ATF6: variants seen among roughly 807,000 people sequenced by gnomAD.
The protein encoded by ATF6 is cyclic AMP-dependent transcription factor ATF-6 alpha.
Under a neutral mutation model 83.6 loss-of-function variants are expected in ATF6, and 53 were observed. That is an observed-to-expected ratio of 0.63 (90% CI 0.51 to 0.80). ATF6 has a LOEUF of 0.80. Among genes scored for constraint, ATF6 ranks in the 30% least tolerant of loss-of-function variants. The pLI, the probability that ATF6 is intolerant of heterozygous loss-of-function variation, is 0.00. For missense variants in ATF6, 744 were observed against 797.9 expected, an observed-to-expected ratio of 0.93 and a Z score of 0.81; for synonymous variants, 288 against 285.8, an observed-to-expected ratio of 1.01 and a Z score of -0.08.
intron 2 of ATF6, among the ~76,000 whole-genome samples, chr1:161,779,840 C>T (rs897250217): frequency 3.3e-5 from 5 of 151,924 alleles, no homozygotes; most frequent in East Asian, 1.9e-4. Flanking sequence ...CAGGTTCAAG[C>T]GATTCTCATG....
chr1:161,885,362 C>T (rs1442068151), intron 14 of ATF6, among the ~76,000 whole-genome samples: 2 of 152,186 alleles, frequency 1.3e-5, no homozygotes, highest in East Asian at 1.9e-4. Context: ...TGTAGTACTG[C>T]GTAACTACTG....
In ATF6 at chr1:161,867,564, T is replaced by C. The variant is rs1380194994; in HGVS notation, c.1719+4252T>C. The stretch of plus-strand genomic sequence containing the variant: ...TCCACTAATATATAAGGAAAGAATT[T>C]CTTCCTGGGGCAGTTTTTCATTAAA... On this transcript the variant is annotated intron_variant, in intron 14 of 15. Transcript: ENST00000367942. Among the ~76,000 whole-genome samples the C allele has an allele frequency of 3.9e-5, 6 of 152,314 alleles. No homozygotes were observed. In the East Asian group the frequency reaches 9.6e-4, roughly 24 times the overall value.
Position 161,766,382 on chromosome 1 carries a change from G to T in ATF6, c.22G>T (p.Ala8Ser), listed in dbSNP as rs772548546. The change falls in exon 1 of 16, where the codon GCC becomes TCC. Residue 8 changes from alanine (A) to serine (S), a missense_variant. Transcript: ENST00000367942. Reference protein sequence around the residue: MGEPAGVAGTMESPFSPG... With the variant: MGEPAGVSGTMESPFSPG... ...TGAAATGGGGGAGCCGGCTGGGGTT[G>T]CCGGCACCATGGAGTCACCTTTTAG... The T allele has an allele frequency of 6.2e-7, 1 of 1,612,918 alleles. No homozygotes were observed. Among genetic ancestry groups the T allele is most frequent in the African/African-American group, 1.3e-5 (1 of 74,922 alleles).
chr1:161,804,433 C>T (rs1232700134), intron 7 of ATF6, among the ~76,000 whole-genome samples: 2 of 151,826 alleles, frequency 1.3e-5, no homozygotes, highest in East Asian at 3.9e-4. Context: ...ATCTAGAAAC[C>T]ATGGGGTAGA....
chr1:161,771,998 A>G (rs944259128), intron 1 of ATF6, among the ~76,000 whole-genome samples: 1 of 152,152 alleles, frequency 6.6e-6, no homozygotes, highest in South Asian at 2.1e-4. Flanking sequence ...TGTCACTACC[A>G]ATAACATCTC....
intron 9 of ATF6, among the ~76,000 whole-genome samples, chr1:161,841,109 T>TG (rs1195573406): frequency 2.0e-5 from 3 of 152,224 alleles, no homozygotes; most frequent in Non-Finnish European, 4.4e-5. Flanking sequence ...AAAGCACTCA[T>TG]GGCAAGAATC....
At chr1:161,913,877 A>G (rs1332440823) in intron 15 of ATF6, among the ~76,000 whole-genome samples, 8 of 152,190 alleles carry the variant, frequency 5.3e-5, no homozygotes, top group African/African-American at 1.9e-4. Context: ...TGTTCTTCTG[A>G]TATTGGGTTC....
chr1:161,952,517 C>A (rs922113308), intron 15 of ATF6, among the ~76,000 whole-genome samples: 1 of 152,088 alleles, frequency 6.6e-6, no homozygotes, highest in African/African-American at 2.4e-5. Flanking sequence ...TCTGTATCCA[C>A]CCTCTCACTC....
intron 9 of ATF6, among the ~76,000 whole-genome samples, chr1:161,831,108 A>T (rs1402580964): frequency 1.3e-5 from 2 of 152,234 alleles, no homozygotes; most frequent in African/African-American, 4.8e-5. Flanking sequence ...ACAAGAAAAA[A>T]ACAACCCCAT....
intron 14 of ATF6, among the ~76,000 whole-genome samples, chr1:161,885,880 T>G (rs1244911392): frequency 6.6e-6 from 1 of 152,300 alleles, no homozygotes; most frequent in East Asian, 1.9e-4. Context: ...AAAAGAGACA[T>G]CCTGCAGAAT....
At chr1:161,782,122 T>C (rs968136920) in intron 3 of ATF6, 123 bp downstream of exon 3, 14 of 623,530 alleles carry the variant, frequency 2.2e-5, no homozygotes, top group Non-Finnish European at 3.6e-5. Context: ...CCTGGTGTTA[T>C]GCATTCTACT....
chr1:161,791,618 T>C, intron 5 of ATF6, 81 bp downstream of exon 5: 1 of 1,444,146 alleles, frequency 6.9e-7, no homozygotes, highest in Non-Finnish European at 9.2e-7. Context: ...AATGCTGGAT[T>C]AAATTTATGT....
intron 15 of ATF6, among the ~76,000 whole-genome samples, chr1:161,946,278 A>T (rs1263148569): frequency 6.6e-6 from 1 of 152,210 alleles, no homozygotes; most frequent in East Asian, 1.9e-4. Context: ...TGCAGGCGTC[A>T]GCCACTACAC....
At chr1:161,819,559 AAATG>A (rs1341724750) in intron 7 of ATF6, 70 bp from the exon 8 acceptor site, 1 of 1,181,064 alleles carries the variant, frequency 8.5e-7, no homozygotes, top group Non-Finnish European at 1.1e-6. Flanking sequence ...ATAATTGTAA[AAATG>A]AGTATATTCT....
intron 1 of ATF6, among the ~76,000 whole-genome samples, chr1:161,776,213 C>T (rs1684511555): frequency 6.6e-6 from 1 of 152,188 alleles, no homozygotes; most frequent in Non-Finnish European, 1.5e-5. Context: ...ACCATTTGCT[C>T]AGTCACCTAA....
At chr1:161,912,164 G>T in intron 14 of ATF6, 132 bp from the exon 15 acceptor site, 1 of 541,458 alleles carries the variant, frequency 1.8e-6, no homozygotes, top group Non-Finnish European at 3.2e-6. Flanking sequence ...AGTTAATTAA[G>T]CCAACTTCAA....
intron 14 of ATF6, among the ~76,000 whole-genome samples, chr1:161,875,314 T>G (rs1444676693): frequency 6.6e-6 from 1 of 151,800 alleles, no homozygotes; most frequent in East Asian, 1.9e-4. Context: ...CTGTGAACTT[T>G]TAGTACTCTG....
chr1:161,881,190 A>T (rs1687318823), intron 14 of ATF6, among the ~76,000 whole-genome samples: 1 of 152,052 alleles, frequency 6.6e-6, no homozygotes, highest in Non-Finnish European at 1.5e-5. Context: ...TCTCACAGTT[A>T]CTATGGGTCA....
intron 4 of ATF6, among the ~76,000 whole-genome samples, chr1:161,786,419 CTT>C (rs904322375): frequency 4.6e-5 from 7 of 151,884 alleles, no homozygotes. Context: ...TCTTTTGTCT[CTT>C]TGCTTTATTT....
Sources: allele counts gnomAD v4.1 joint callset (sites outside exome capture counted in the v4.1 genomes callset), GRCh38; gene constraint gnomAD v4.1.1; transcripts MANE v1.5; gene names NCBI Gene and HGNC (gene_info 2026-07-23, HGNC 2026-07-21).